Variants in TPST1 observed in about 807,000 individuals in gnomAD.
TPST1 encodes the protein protein-tyrosine sulfotransferase 1.
TPST1 carries 20 observed loss-of-function variants against 34.8 expected under a neutral mutation model. The ratio of observed to expected loss-of-function variants is 0.57; its 90% CI spans 0.40 to 0.84. The LOEUF is 0.84. Ranked by LOEUF, TPST1 falls within the 40% of genes least tolerant of loss-of-function variation. TPST1 has a pLI of 0.00. For synonymous variants in TPST1, 152 were observed against 159.4 expected (o/e 0.95, Z 0.35); for missense variants, 353 against 455.5 (o/e 0.78, Z 2.05).
intron 2 of TPST1, among the ~76,000 whole-genome samples, chr7:66,275,110 C>T (rs1584198260): frequency 2.0e-5 from 3 of 152,062 alleles, no homozygotes; most frequent in Non-Finnish European, 4.4e-5. Context: ...AGGAGAATGG[C>T]GTGAACCCGG....
intron 1 of TPST1, among the ~76,000 whole-genome samples, chr7:66,214,066 T>C (rs1003349905): frequency 2.0e-5 from 3 of 152,166 alleles, no homozygotes; most frequent in Non-Finnish European, 2.9e-5. Flanking sequence ...AGTGTAAAAT[T>C]CATTTACTTT....
chr7:66,297,191 A>G (rs1791219304), intron 3 of TPST1, among the ~76,000 whole-genome samples: 1 of 152,152 alleles, frequency 6.6e-6, no homozygotes. Context: ...GGCTTTCATT[A>G]CAGCCTATTT....
At chr7:66,262,448 G>A (rs1477481708) in intron 2 of TPST1, among the ~76,000 whole-genome samples, 1 of 152,138 alleles carries the variant, frequency 6.6e-6, no homozygotes, top group Non-Finnish European at 1.5e-5. Context: ...CTTCTATGTT[G>A]ATGATTCCGC....
chr7:66,312,683 C>G (rs1464822495), intron 3 of TPST1, among the ~76,000 whole-genome samples: 1 of 152,020 alleles, frequency 6.6e-6, no homozygotes, highest in Non-Finnish European at 1.5e-5. Context: ...GTGGCTTTTC[C>G]TTAAACCCAA....
chr7:66,272,587 CT>C lies in TPST1; in HGVS notation c.846-13907del, dbSNP rs555211164. On this transcript the variant is annotated intron_variant, in intron 2 of 5. Transcript: ENST00000304842. ...CAGAATACCCACTCTCACCCCAATT[CT>C]TTTTTTTTTTTTTTTTCTGAGACAT... Among the ~76,000 whole-genome samples, 767 of 135,778 alleles carry C rather than the reference CT, an allele frequency of 5.6e-3. 3 individuals carry two copies. Among genetic ancestry groups the C allele is most frequent in the African/African-American group, 0.013 (493 of 37,118 alleles). The allele number at this position is 135,778 out of a possible 152,430, so 89.1% of individuals were successfully genotyped here.
In TPST1 at chr7:66,241,177, G is replaced by C. The variant is rs1436555762; in HGVS notation, c.752G>C (p.Arg251Thr). The C allele has an allele frequency of 6.2e-7, 1 of 1,614,168 alleles. No homozygotes were observed. Among genetic ancestry groups the C allele is most frequent in the South Asian group, 1.1e-5 (1 of 91,084 alleles). ...GTCTTACATCCTGAACGGTGGATGA[G>C]AACACTCTTAAAGTTCCTCCAGATT... Reference protein sequence around the residue: ...QLVLHPERWMRTLLKFLQIPW... With the variant: ...QLVLHPERWMTTLLKFLQIPW... Residue 251 changes from arginine to threonine, a missense_variant, in exon 2 of 6, where the codon AGA (arginine) becomes ACA (threonine). By Grantham distance (71) the Arg-to-Thr change is moderately conservative (BLOSUM62 -1). Coordinates refer to ENST00000304842, the MANE Select transcript of TPST1 (RefSeq NM_003596.4).
At chr7:66,317,199 CTT>C (rs1791651091) in intron 3 of TPST1, among the ~76,000 whole-genome samples, 1 of 152,128 alleles carries the variant, frequency 6.6e-6, no homozygotes. Flanking sequence ...AAATCTGTAT[CTT>C]TAGTTATATG....
chr7:66,313,860 T>C (rs878865734), intron 3 of TPST1, among the ~76,000 whole-genome samples: 1 of 152,154 alleles, frequency 6.6e-6, no homozygotes, highest in Non-Finnish European at 1.5e-5. Context: ...AGTTTTTTTT[T>C]CCTCCCCTAC....
intron 1 of TPST1, among the ~76,000 whole-genome samples, chr7:66,209,447 TC>T (rs1279734791): frequency 2.0e-5 from 3 of 152,210 alleles, no homozygotes; most frequent in Non-Finnish European, 4.4e-5. Flanking sequence ...AAGGATTTCT[TC>T]CTGGGCAGAT....
intron 3 of TPST1, among the ~76,000 whole-genome samples, chr7:66,316,475 T>C (rs577411654): frequency 6.6e-6 from 1 of 152,336 alleles, no homozygotes; most frequent in South Asian, 2.1e-4. Flanking sequence ...CCTTAATTCA[T>C]GCTAATGTTT....
At position 66,359,730 on chromosome 7, in the gene TPST1, C is replaced by T. The variant is rs17747038; in HGVS notation, c.*30-165C>T. Among the ~76,000 whole-genome samples the T allele has an allele frequency of 2.7e-3, 415 of 152,310 alleles. 15 individuals carry two copies. The East Asian group carries it at 0.074, about 27-fold the overall frequency. On this transcript the variant is annotated intron_variant, in intron 5 of 5. Transcript: ENST00000304842. The stretch of plus-strand genomic sequence containing the variant: ...TGTGTGTGCCTCCCAGGCAGTCTTC[C>T]TGAGGCAGCTGTTCTCAACATCCAT...
chr7:66,255,132 C>T (rs555642402), intron 2 of TPST1, among the ~76,000 whole-genome samples: 9 of 122,796 alleles, frequency 7.3e-5, no homozygotes, highest in African/African-American at 2.0e-4. Context: ...GGTGACAGAG[C>T]GAGACAACGT....
intron 2 of TPST1, among the ~76,000 whole-genome samples, chr7:66,273,575 G>T (rs1460640951): frequency 1.3e-5 from 2 of 152,094 alleles, no homozygotes; most frequent in African/African-American, 2.4e-5. Context: ...CATAAAAACA[G>T]ACATATAAAC....
chr7:66,238,089 A>G (rs1377912185), intron 1 of TPST1, among the ~76,000 whole-genome samples: 2 of 152,208 alleles, frequency 1.3e-5, no homozygotes, highest in East Asian at 1.9e-4. Context: ...ATCTGTAACT[A>G]AAGTCTGAGT....
At chr7:66,255,845 TAA>T (rs541917740) in intron 2 of TPST1, among the ~76,000 whole-genome samples, 2 of 148,740 alleles carry the variant, frequency 1.3e-5, no homozygotes, top group East Asian at 3.9e-4. Flanking sequence ...CTCTTCTGCT[TAA>T]AAAAAAAACC....
In TPST1 at chr7:66,286,649, A is replaced by T. The variant is rs754817303; in HGVS notation, c.984A>T (p.Pro328=). Residue 328 remains proline (P), a synonymous_variant, in exon 3 of 6, where the codon CCA becomes CCT. Transcript: ENST00000304842. ...APMLAKLGYD[P]YANPPNYGKP... ...TGCTTGCCAAGCTTGGATATGACCCATATGCCAACCCACCTAACTACGGAA... is the reference window on the plus strand; with the variant it reads ...TGCTTGCCAAGCTTGGATATGACCCTTATGCCAACCCACCTAACTACGGAA... The T allele has an allele frequency of 1.9e-6, 3 of 1,601,948 alleles. No homozygotes were observed. The highest frequency in any genetic ancestry group is 8.5e-7 in the Non-Finnish European group (1 of 1,173,304).
chr7:66,318,547 A>G (rs1275946182), intron 3 of TPST1, among the ~76,000 whole-genome samples: 1 of 146,158 alleles, frequency 6.8e-6, no homozygotes, highest in East Asian at 2.0e-4. Context: ...GCTCACTGCA[A>G]CCTCCCCCTC....
At chr7:66,341,806 A>G (rs1236294864) in intron 3 of TPST1, among the ~76,000 whole-genome samples, 1 of 152,220 alleles carries the variant, frequency 6.6e-6, no homozygotes, top group Non-Finnish European at 1.5e-5. Flanking sequence ...AAGAAATCAT[A>G]AATGAACTGT....
intron 2 of TPST1, among the ~76,000 whole-genome samples, chr7:66,250,841 G>A (rs942544558): frequency 6.6e-6 from 1 of 152,166 alleles, no homozygotes; most frequent in Non-Finnish European, 1.5e-5. Context: ...TAAGCACTGC[G>A]ATACTGCTAC....
Sources: allele counts gnomAD v4.1 joint callset (sites outside exome capture counted in the v4.1 genomes callset), GRCh38; gene constraint gnomAD v4.1.1; transcripts MANE v1.5; gene names NCBI Gene and HGNC (gene_info 2026-07-23, HGNC 2026-07-21).